The following VCAN variants were observed in gnomAD, a reference collection of about 807,000 sequenced individuals.
VCAN encodes versican, also known as versican core protein.
VCAN carries 44 observed loss-of-function variants against 245.5 expected under a neutral mutation model. That is an observed-to-expected ratio of 0.18 (90% CI 0.14 to 0.23). The LOEUF is 0.23. Ranked by LOEUF, VCAN falls within the 10% of genes least tolerant of loss-of-function variation. The pLI is 1.00. For synonymous variants in VCAN, 1,413 were observed against 1,437.0 expected (o/e 0.98, Z 0.38); for missense variants, 3,793 against 4,057.9 (o/e 0.93, Z 1.77).
chr5:83,560,833 C>G (rs1385250887), intron 12 of VCAN, among the ~76,000 whole-genome samples: 4 of 152,070 alleles, frequency 2.6e-5, no homozygotes, highest in Non-Finnish European at 5.9e-5. Context: ...CCACATTGTT[C>G]CTTTCTTCAA....
Position 83,521,299 on chromosome 5 carries a change from G to C in VCAN, c.2993G>C (p.Gly998Ala), listed in dbSNP as rs775444874. Residue 998 changes from glycine to alanine, a missense_variant, in exon 7 of 15, where the codon GGT becomes GCT. Coordinates refer to ENST00000265077, the MANE Select transcript of VCAN (RefSeq NM_004385.5). Reference protein sequence around the residue: ...PSVPSEDEVLGEPSQDILVID... With the variant: ...PSVPSEDEVLAEPSQDILVID... ...GTTCCATCAGAAGATGAAGTTCTAG[G>C]TGAACCCTCTCAAGACATACTTGTC... 3 of 1,614,068 alleles carry C rather than the reference G, an allele frequency of 1.9e-6. No homozygotes were observed. Among genetic ancestry groups the C allele is most frequent in the Non-Finnish European group, 2.5e-6 (3 of 1,179,940 alleles).
chr5:83,581,293 G>A lies in VCAN; in HGVS notation c.*859G>A, dbSNP rs1748663433. 1 of 146,962 alleles carries A rather than the reference G, an allele frequency of 6.8e-6. No homozygotes were observed. The allele number at this position is 146,962 out of a possible 1,614,324, so 9.1% of individuals were successfully genotyped here. A position where few individuals can be genotyped will look rare whatever the true frequency, so the allele number is the denominator to read the frequency against. On this transcript the variant is annotated 3_prime_UTR_variant, in exon 15 of 15. Transcript: ENST00000265077. ...CGGATATAGACCTAGGGCTCTGGAG[G>A]GTGGGGGATTGTTAAAACACATGCA... is the stretch of plus-strand genomic sequence containing the variant.
chr5:83,498,917 C>T (rs1223055653), intron 5 of VCAN, among the ~76,000 whole-genome samples: 1 of 152,188 alleles, frequency 6.6e-6, no homozygotes, highest in African/African-American at 2.4e-5. Context: ...TCCACAAGCA[C>T]ATACTCTGCC....
At chr5:83,511,398 G>A (rs1195523137) in intron 5 of VCAN, among the ~76,000 whole-genome samples, 2 of 151,992 alleles carry the variant, frequency 1.3e-5, no homozygotes. Context: ...CCTTTGGCTG[G>A]CTGAGTGGGA....
intron 10 of VCAN, 61 bp downstream of exon 10, chr5:83,548,145 C>T: frequency 7.8e-7 from 1 of 1,284,718 alleles, no homozygotes; most frequent in East Asian, 2.3e-5. Flanking sequence ...GCAATTTTGG[C>T]CTCAATGCAT....
At position 83,539,040 on chromosome 5, in the gene VCAN, G is replaced by A. The variant is rs368478918; in HGVS notation, c.6037G>A (p.Glu2013Lys). ...EFTSSAEGSG[E>K]QLVTVSSSVV... The stretch of plus-strand genomic sequence containing the variant: ...TACATCCTCAGCTGAGGGCTCAGGT[G>A]AGCAACTGGTCACAGTCAGCAGCTC... Residue 2013 changes from glutamate to lysine, a missense_variant, in exon 8 of 15, where the codon GAG (glutamate) becomes AAG (lysine). This residue lies in a region of VCAN where 3,182 missense variants were observed against 3,250.3 expected (regional missense o/e 0.98). Coordinates refer to ENST00000265077, the MANE Select transcript of VCAN (RefSeq NM_004385.5). The A allele has an allele frequency of 4.3e-6, 7 of 1,613,996 alleles. No homozygotes were observed. The highest frequency in any genetic ancestry group is 5.9e-6 in the Non-Finnish European group (7 of 1,179,958).
chr5:83,515,954 C>T (rs563070559), intron 6 of VCAN, among the ~76,000 whole-genome samples: 84 of 152,288 alleles, frequency 5.5e-4, no homozygotes, highest in South Asian at 3.5e-3. Context: ...TTGAATTGGC[C>T]GGGCGCGGTC....
chr5:83,512,956 C>T (rs939986660), intron 6 of VCAN: 1 of 153,296 alleles, frequency 6.5e-6, no homozygotes, highest in Non-Finnish European at 1.5e-5. Context: ...GCCTTCTAAT[C>T]ATTAATTCTG....
At chr5:83,548,849 C>T (rs1747341573) in intron 10 of VCAN, among the ~76,000 whole-genome samples, 1 of 152,284 alleles carries the variant, frequency 6.6e-6, no homozygotes, top group South Asian at 2.1e-4. Flanking sequence ...ACTGAAAATG[C>T]ATTAGACACT....
rs1746880815 is a variant in VCAN at position 83,539,576 on chromosome 5, A to T, written c.6573A>T (p.Glu2191Asp). Residue 2191 changes from glutamate to aspartate, a missense_variant, in exon 8 of 15, where the codon GAA becomes GAT. Glu to Asp is a conservative substitution (Grantham distance 45). This residue lies in a region of VCAN where 3,182 missense variants were observed against 3,250.3 expected (regional missense o/e 0.98). Coordinates refer to ENST00000265077, the MANE Select transcript of VCAN (RefSeq NM_004385.5). ...CAGATCCAGATGCAAATGGCTTGGAATCTTACACAACTCTCCCTGAAGCTA... is the reference window on the plus strand; with the variant it reads ...CAGATCCAGATGCAAATGGCTTGGATTCTTACACAACTCTCCCTGAAGCTA... ...STPDPDANGL[E>D]SYTTLPEATE... 1 of 1,614,068 alleles carries T rather than the reference A, an allele frequency of 6.2e-7. No homozygotes were observed. Among genetic ancestry groups the T allele is most frequent in the Non-Finnish European group, 8.5e-7 (1 of 1,179,986 alleles).
chr5:83,522,722 T>C (rs990103698), intron 7 of VCAN, among the ~76,000 whole-genome samples: 1 of 152,222 alleles, frequency 6.6e-6, no homozygotes, highest in Non-Finnish European at 1.5e-5. Context: ...TAAAATCGTT[T>C]TGCATATCCC....
rs137995612 is a variant in VCAN, at chr5:83,484,819, T to C, written c.70+1231T>C. Among the ~76,000 whole-genome samples the C allele has an allele frequency of 9.1e-4, 138 of 152,288 alleles. 2 individuals are homozygous for C. Among genetic ancestry groups the C allele is most frequent in the African/African-American group, 3.1e-3 (127 of 41,568 alleles). On this transcript the variant is annotated intron_variant, in intron 2 of 14. Coordinates refer to ENST00000265077, the MANE Select transcript of VCAN (RefSeq NM_004385.5). ...GAGAGTGGCTTGAGTTGGGGGAAGT[T>C]GATAAGACCTCCTTGAGAAAGTGAA...
chr5:83,549,528 A>G (rs929318061), intron 10 of VCAN, among the ~76,000 whole-genome samples: 2 of 152,212 alleles, frequency 1.3e-5, no homozygotes, highest in East Asian at 3.8e-4. Flanking sequence ...AGTTTCTCTG[A>G]ATATCTTCAC....
chr5:83,476,598 C>T (rs1488907411), intron 1 of VCAN, among the ~76,000 whole-genome samples: 2 of 152,142 alleles, frequency 1.3e-5, no homozygotes, highest in Admixed American at 1.3e-4. Flanking sequence ...CTTGGCCAAG[C>T]TCCATTTCAA....
chr5:83,555,113 G>A, intron 12 of VCAN, 75 bp downstream of exon 12: 1 of 1,473,202 alleles, frequency 6.8e-7, no homozygotes, highest in Non-Finnish European at 9.5e-7. Context: ...GTGCATTACA[G>A]AGGGTGCATT....
At chr5:83,576,599 C>G (rs529752497) in intron 13 of VCAN, among the ~76,000 whole-genome samples, 32 of 152,136 alleles carry the variant, frequency 2.1e-4, no homozygotes, top group Non-Finnish European at 3.5e-4. Context: ...AGTGAAGTTG[C>G]TGAGTCATAG....
At chr5:83,516,561 C>T (rs1309398712) in intron 6 of VCAN, among the ~76,000 whole-genome samples, 1 of 152,188 alleles carries the variant, frequency 6.6e-6, no homozygotes, top group Non-Finnish European at 1.5e-5. Context: ...GCCATAAGTA[C>T]AGTGATGTGA....
At chr5:83,527,143 T>G (rs889779171) in intron 7 of VCAN, among the ~76,000 whole-genome samples, 1 of 152,244 alleles carries the variant, frequency 6.6e-6, no homozygotes, top group Non-Finnish European at 1.5e-5. Flanking sequence ...GGTTTCTCAT[T>G]GGCATTCTAG....
chr5:83,522,081 C>T lies in VCAN; in HGVS notation c.3775C>T (p.Pro1259Ser). ...CATTGGAGAATCAACATCTCATGTT[C>T]CTCCCACTACCCTTGAAGATATTGT... ...VIIGESTSHV[P>S]PTTLEDIVAK... The change falls in exon 7 of 15, where the codon CCT becomes TCT. Residue 1259 changes from proline to serine, a missense_variant. Around this residue, in one of 5 missense-constraint regions of VCAN, gnomAD observed 3,182 missense variants for 3,250.3 expected, o/e 0.98. Transcript: ENST00000265077. 1 of 1,614,152 alleles carries T rather than the reference C, an allele frequency of 6.2e-7. No individual in the cohort carries two copies. The highest frequency in any genetic ancestry group is 8.5e-7 in the Non-Finnish European group (1 of 1,180,018).
Sources: allele counts gnomAD v4.1 joint callset (sites outside exome capture counted in the v4.1 genomes callset), GRCh38; gene constraint gnomAD v4.1.1; regional missense constraint gnomAD v4.1.1; transcripts MANE v1.5; gene names NCBI Gene and HGNC (gene_info 2026-07-23, HGNC 2026-07-21).